SVIL: variants seen among roughly 807,000 people sequenced by gnomAD.
The protein encoded by SVIL is archvillin.
A neutral mutation model predicts 240.4 loss-of-function variants in SVIL; 101 were observed. That is an observed-to-expected ratio of 0.42 (90% confidence interval 0.36 to 0.50). The LOEUF (loss-of-function observed/expected upper bound fraction) is 0.50, where lower values mean the gene tolerates loss of function less well. Among genes scored for constraint, SVIL ranks in the 20% least tolerant of loss-of-function variants. The pLI is 0.01. For synonymous variants in SVIL, 999 were observed against 1,100.0 expected, an observed-to-expected ratio of 0.91 and a Z score of 1.82; for missense variants, 2,512 against 2,818.7, an observed-to-expected ratio of 0.89 and a Z score of 2.46.
At chr10:29,724,534 T>A (rs1016395371) in intron 1 of SVIL, among the ~76,000 whole-genome samples, 2 of 152,174 alleles carry the variant, frequency 1.3e-5, no homozygotes, top group South Asian at 2.1e-4. Flanking sequence ...GACTATTTTT[T>A]AAAAAATAAT....
rs138173628 is a variant in SVIL, at chr10:29,654,274, C to T, written c.-201+3695G>A. Among the ~76,000 whole-genome samples, 847 of 151,866 alleles carry T rather than the reference C, an allele frequency of 5.6e-3. 13 individuals carry two copies. The highest frequency in any genetic ancestry group is 0.029 in the South Asian group (138 of 4,824). On this transcript the variant is annotated intron_variant, in intron 3 of 35. Coordinates refer to the SVIL transcript ENST00000375400. ...TACACTTCTTTTGTTAAACTTATTC[C>T]TAAGTTTTTTATCTTTTTCATGCTA...
intron 2 of SVIL, among the ~76,000 whole-genome samples, chr10:29,663,683 T>A (rs1959183557): frequency 6.6e-6 from 1 of 152,216 alleles, no homozygotes; most frequent in Admixed American, 6.5e-5. Flanking sequence ...CCATATGGAC[T>A]TTTCCCTCTA....
chr10:29,590,967 A>C (rs1360966644), intron 1 of SVIL, among the ~76,000 whole-genome samples: 1 of 152,260 alleles, frequency 6.6e-6, no homozygotes, highest in Non-Finnish European at 1.5e-5. Flanking sequence ...TAGTTTTAAT[A>C]TCTCCAAGAC....
At chr10:29,644,511 C>T (rs1384582290) in intron 3 of SVIL, among the ~76,000 whole-genome samples, 1 of 152,064 alleles carries the variant, frequency 6.6e-6, no homozygotes, top group Non-Finnish European at 1.5e-5. Flanking sequence ...GCTATGCACT[C>T]GGCCAACCCA....
upstream of SVIL, among the ~76,000 whole-genome samples, chr10:29,635,549 A>T (rs892496822): frequency 2.0e-5 from 3 of 152,222 alleles, no homozygotes; most frequent in African/African-American, 7.2e-5. Flanking sequence ...AACTGGCAAG[A>T]TCTATCTTCC....
chr10:29,593,789 A>T (rs1956478143), intron 1 of SVIL, among the ~76,000 whole-genome samples: 1 of 152,252 alleles, frequency 6.6e-6, no homozygotes. Flanking sequence ...TAATGTCATT[A>T]AATGGACTGC....
intron 1 of SVIL, among the ~76,000 whole-genome samples, chr10:29,693,062 A>G (rs116093032): frequency 0.017 from 2,628 of 152,254 alleles, 73 homozygotes; most frequent in African/African-American, 0.058. Context: ...AACCTCAGGC[A>G]TAAATGGGTT....
chr10:29,673,039 G>C (rs557229746), intron 2 of SVIL, among the ~76,000 whole-genome samples: 1 of 151,932 alleles, frequency 6.6e-6, no homozygotes, highest in Non-Finnish European at 1.5e-5. Context: ...TCAGCCTCCC[G>C]AGTAGCTGGG....
chr10:29,694,139 C>G (rs1961737167), intron 1 of SVIL, among the ~76,000 whole-genome samples: 1 of 146,990 alleles, frequency 6.8e-6, no homozygotes, highest in Non-Finnish European at 1.5e-5. Context: ...TTGATATTGG[C>G]AGGGTAGTGC....
rs6481612 is a variant in SVIL, at chr10:29,518,361, G to A, written c.3389+4049C>T. Reference sequence around the variant, plus strand: ...CAAGATCGTGTCACTGCACTCCAGCGTGGGCTACAGAGTGAGACTCTTGTC... The same window carrying A: ...CAAGATCGTGTCACTGCACTCCAGCATGGGCTACAGAGTGAGACTCTTGTC... On this transcript the variant is annotated intron_variant, in intron 16 of 37. Transcript: ENST00000355867. 6.6e-5 allele frequency among the ~76,000 whole-genome samples: 10 copies of A among 151,910 alleles called. No individual in the cohort carries two copies. In the South Asian group the frequency reaches 1.7e-3, roughly 25 times the overall value.
In SVIL at chr10:29,569,274, G is replaced by A. The variant is rs1271909198; in HGVS notation, c.-162C>T. 133 of 985,628 alleles carry A rather than the reference G, an allele frequency of 1.3e-4. No homozygotes were observed. Among genetic ancestry groups the A allele is most frequent in the Non-Finnish European group, 1.3e-4 (112 of 829,860 alleles). The allele number at this position is 985,628 out of a possible 1,614,324, so 61.1% of individuals were successfully genotyped here. A position where few individuals can be genotyped will look rare whatever the true frequency, so the allele number is the denominator to read the frequency against. On this transcript the variant is annotated 5_prime_UTR_variant, in exon 2 of 38. It adds an upstream start codon to the 5' untranslated region. Coordinates refer to ENST00000355867, the MANE Select transcript of SVIL (RefSeq NM_021738.3). ...CTTTACCTTGAAACTTTCCTTTGAC[G>A]TGGGAATCCAAGGAAGCTTAAGTTT...
chr10:29,658,862 T>C (rs1959078975), intron 2 of SVIL, among the ~76,000 whole-genome samples: 1 of 152,142 alleles, frequency 6.6e-6, no homozygotes, highest in Non-Finnish European at 1.5e-5. Flanking sequence ...ATCACGAAGT[T>C]GGATGGAACT....
chr10:29,562,760 CAAAAAAA>C (rs1954607632), intron 3 of SVIL, among the ~76,000 whole-genome samples: 1 of 61,438 alleles, frequency 1.6e-5, no homozygotes, highest in African/African-American at 6.1e-5. Context: ...GACTCCGTCT[CAAAAAAA>C]AGAAAAAAAA....
chr10:29,654,836 C>T (rs967917227), intron 3 of SVIL, among the ~76,000 whole-genome samples: 3 of 152,134 alleles, frequency 2.0e-5, no homozygotes, highest in African/African-American at 7.2e-5. Context: ...ATGCCAGAGT[C>T]CAAAGGACAG....
chr10:29,586,464 G>T (rs564147288), intron 1 of SVIL, among the ~76,000 whole-genome samples: 17 of 152,092 alleles, frequency 1.1e-4, no homozygotes, highest in Non-Finnish European at 2.5e-4. Flanking sequence ...CCTCCCTAAT[G>T]CAAGTGACTT....
intron 3 of SVIL, among the ~76,000 whole-genome samples, chr10:29,644,314 C>G (rs1958585546): frequency 6.6e-6 from 1 of 152,140 alleles, no homozygotes; most frequent in South Asian, 2.1e-4. Context: ...AAGAAAAACT[C>G]CAGGAGACTG....
chr10:29,620,298 AGAAGGAAAAG>A (rs1358610495), intron 1 of SVIL, among the ~76,000 whole-genome samples: 3 of 152,004 alleles, frequency 2.0e-5, no homozygotes, highest in Non-Finnish European at 4.4e-5. Context: ...AGAGGAAAAG[AGAAGGAAAAG>A]GAAGGAAAAG....
At chr10:29,587,801 A>C (rs967036403) in intron 1 of SVIL, among the ~76,000 whole-genome samples, 2 of 152,238 alleles carry the variant, frequency 1.3e-5, no homozygotes, top group Admixed American at 1.3e-4. Flanking sequence ...GCTTAAAAAG[A>C]AGCCATAGGT....
chr10:29,477,461 A>C (rs1477542890), intron 29 of SVIL, among the ~76,000 whole-genome samples: 1 of 152,052 alleles, frequency 6.6e-6, no homozygotes, highest in Non-Finnish European at 1.5e-5. Context: ...CAGGACATTG[A>C]CCCTAGCAGG....
Sources: gnomAD v4.1 joint callset for allele counts (sites outside exome capture counted in the v4.1 genomes callset) on GRCh38, gnomAD v4.1.1 for gene constraint, MANE v1.5 for transcripts, NCBI Gene and HGNC (gene_info 2026-07-23, HGNC 2026-07-21) for gene names.